The following RIMS2 variants were observed in gnomAD, a reference collection of about 807,000 sequenced individuals.
RIMS2 encodes regulating synaptic membrane exocytosis protein 2.
Under a neutral mutation model 174.4 loss-of-function variants are expected in RIMS2, and 59 were observed. The observed-to-expected ratio is 0.34, with a 90% CI of 0.27 to 0.42. The LOEUF is 0.42. Ranked by LOEUF, RIMS2 falls within the 10% of genes least tolerant of loss-of-function variation. The probability of loss-of-function intolerance (pLI) is 1.00; values close to 1 mark genes in which losing one functional copy is unlikely to be tolerated. For synonymous variants in RIMS2, 606 were observed against 572.5 expected (o/e 1.06, Z -0.84); for missense variants, 1,620 against 1,666.3 (o/e 0.97, Z 0.48).
At chr8:103,505,853 T>A (rs910607792) in intron 1 of RIMS2, among the ~76,000 whole-genome samples, 5 of 152,158 alleles carry the variant, frequency 3.3e-5, no homozygotes, top group Non-Finnish European at 1.5e-5. Flanking sequence ...TTTAAAAAAA[T>A]TTGGTTACAG....
intron 2 of RIMS2, among the ~76,000 whole-genome samples, chr8:103,750,446 A>G (rs2097873245): frequency 6.6e-6 from 1 of 152,196 alleles, no homozygotes; most frequent in Admixed American, 6.5e-5. Flanking sequence ...TTTTAAAATA[A>G]CAAAGAGTGT....
intron 19 of RIMS2, among the ~76,000 whole-genome samples, chr8:104,113,038 T>C (rs1349706474): frequency 6.6e-6 from 1 of 152,158 alleles, no homozygotes; most frequent in Non-Finnish European, 1.5e-5. Context: ...TAATGGTTCA[T>C]TCTTAAAATT....
chr8:104,253,784 C>T (rs1053442410), downstream of RIMS2: 10 of 152,082 alleles, frequency 6.6e-5, no homozygotes, highest in Admixed American at 1.3e-4. Context: ...TAAATTAAGG[C>T]CATGCACAAA....
intron 1 of RIMS2, among the ~76,000 whole-genome samples, chr8:103,594,235 T>C (rs1009962838): frequency 6.6e-6 from 1 of 151,640 alleles, no homozygotes; most frequent in Admixed American, 6.6e-5. Context: ...TTTTGTGGCC[T>C]ATTTAGTGCC....
intron 1 of RIMS2, among the ~76,000 whole-genome samples, chr8:103,543,900 C>T (rs1220002785): frequency 2.0e-5 from 3 of 152,082 alleles, no homozygotes; most frequent in African/African-American, 7.2e-5. Context: ...GACAACATAG[C>T]AGAAAAGCTG....
chr8:103,549,120 C>T (rs185988253), intron 1 of RIMS2, among the ~76,000 whole-genome samples: 37 of 151,878 alleles, frequency 2.4e-4, no homozygotes, highest in East Asian at 1.7e-3. Context: ...ATACAGAGAA[C>T]GCCACCAAGA....
intron 3 of RIMS2, among the ~76,000 whole-genome samples, chr8:103,847,272 C>T (rs137953844): frequency 6.6e-6 from 1 of 152,008 alleles, no homozygotes; most frequent in Non-Finnish European, 1.5e-5. Flanking sequence ...GTGAATTCTA[C>T]GTATCGGGGG....
At position 103,915,435 on chromosome 8, in the gene RIMS2, A is replaced by C. The variant is rs1018954285; in HGVS notation, c.1813-60A>C. The C allele has an allele frequency of 3.1e-6, 3 of 973,414 alleles. No individual in the cohort carries two copies. In the African/African-American group the frequency reaches 4.9e-5, roughly 16 times the overall value. The allele number at this position is 973,414 out of a possible 1,614,324, so 60.3% of individuals were successfully genotyped here. A position where few individuals can be genotyped will look rare whatever the true frequency, so the allele number is the denominator to read the frequency against. On this transcript the variant is annotated intron_variant, in intron 6 of 23. Transcript: ENST00000504942. The stretch of plus-strand genomic sequence containing the variant: ...TTGTTCTAGGTATTCTTTTACCTGA[A>C]TCTTCAACCATGCTCATTTTAACAA...
At chr8:103,904,723 C>T in intron 4 of RIMS2, among the ~76,000 whole-genome samples, 1 of 152,126 alleles carries the variant, frequency 6.6e-6, no homozygotes, top group Non-Finnish European at 1.5e-5. Flanking sequence ...TGTTTATAAT[C>T]ATGAACAATA....
intron 19 of RIMS2, among the ~76,000 whole-genome samples, chr8:104,050,702 G>T (rs573743913): frequency 6.6e-6 from 1 of 152,264 alleles, no homozygotes; most frequent in African/African-American, 2.4e-5. Context: ...AGATGAATAA[G>T]TAAAGCGTAG....
chr8:103,592,874 T>C (rs758333996), intron 1 of RIMS2, among the ~76,000 whole-genome samples: 24 of 151,420 alleles, frequency 1.6e-4, no homozygotes, highest in Non-Finnish European at 2.8e-4. Context: ...CACATTGTTT[T>C]AATATCCCGT....
At chr8:104,026,283 A>T (rs2096255575) in intron 19 of RIMS2, among the ~76,000 whole-genome samples, 1 of 152,242 alleles carries the variant, frequency 6.6e-6, no homozygotes, top group Non-Finnish European at 1.5e-5. Context: ...TCTAGGCCAG[A>T]GAACTGTTTA....
chr8:103,943,798 C>G (rs1481362689), intron 14 of RIMS2, among the ~76,000 whole-genome samples: 1 of 152,132 alleles, frequency 6.6e-6, no homozygotes, highest in East Asian at 1.9e-4. Flanking sequence ...ACGGAGACAG[C>G]ATGCTCCAGT....
At chr8:103,607,735 C>G (rs1487657731) in intron 1 of RIMS2, among the ~76,000 whole-genome samples, 1 of 136,908 alleles carries the variant, frequency 7.3e-6, no homozygotes, top group Admixed American at 7.2e-5. Context: ...TCCCTTCTCA[C>G]TTCATTTCAT....
chr8:103,707,059 A>C (rs1201463715), intron 2 of RIMS2, among the ~76,000 whole-genome samples: 1 of 152,086 alleles, frequency 6.6e-6, no homozygotes, highest in Non-Finnish European at 1.5e-5. Context: ...TCAATTCCAC[A>C]CGGAGACATT....
At chr8:103,812,506 C>G (rs562248234) in intron 3 of RIMS2, among the ~76,000 whole-genome samples, 2 of 151,914 alleles carry the variant, frequency 1.3e-5, no homozygotes, top group African/African-American at 4.8e-5. Flanking sequence ...CTCAGCTTCC[C>G]GAGTAGCTGG....
intron 19 of RIMS2, among the ~76,000 whole-genome samples, chr8:104,049,135 A>G (rs2096742001): frequency 1.3e-5 from 2 of 152,050 alleles, no homozygotes; most frequent in South Asian, 2.1e-4. Flanking sequence ...TTAAAAAAAA[A>G]AAAAAAAGGC....
In RIMS2 at chr8:103,835,436, G is replaced by A. The variant is rs149412139; in HGVS notation, c.699-49862G>A. 1.8e-3 allele frequency among the ~76,000 whole-genome samples: 260 copies of A among 148,464 alleles called. 1 individual carries two copies. Among genetic ancestry groups the A allele is most frequent in the African/African-American group, 6.1e-3 (253 of 41,430 alleles). On this transcript the variant is annotated intron_variant, in intron 3 of 23. Transcript: ENST00000504942. ...TTTCTAACATATATTTAGCCTTCAG[G>A]CATTGATTGAATTTGGTTAAAATCA...
intron 19 of RIMS2, among the ~76,000 whole-genome samples, chr8:104,211,207 G>A (rs2099103828): frequency 6.6e-6 from 1 of 151,978 alleles, no homozygotes; most frequent in Admixed American, 6.6e-5. Context: ...GGTGGGAAGA[G>A]AATAAAATAT....
Sources: gnomAD v4.1 joint callset for allele counts (sites outside exome capture counted in the v4.1 genomes callset) on GRCh38, gnomAD v4.1.1 for gene constraint, MANE v1.5 for transcripts, NCBI Gene and HGNC (gene_info 2026-07-23, HGNC 2026-07-21) for gene names.